The following GPM6A variants were observed in gnomAD, a reference collection of about 807,000 sequenced individuals.
GPM6A encodes glycoprotein M6A.
GPM6A carries 7 observed loss-of-function variants against 32.1 expected under a neutral mutation model. The observed-to-expected ratio is 0.22, with a 90% CI of 0.12 to 0.41. The LOEUF is 0.41. Ranked by LOEUF, GPM6A falls within the 10% of genes least tolerant of loss-of-function variation. GPM6A has a pLI of 1.00. For synonymous variants in GPM6A, 130 were observed against 123.4 expected (o/e 1.05, Z -0.35); for missense variants, 235 against 347.2 (o/e 0.68, Z 2.57).
chr4:175,904,065 G>C (rs1738048899), intron 1 of GPM6A, among the ~76,000 whole-genome samples: 1 of 152,096 alleles, frequency 6.6e-6, no homozygotes. Flanking sequence ...AAGAAGTAAA[G>C]TTAGGGAGTA....
chr4:175,846,634 A>AT lies in GPM6A; in HGVS notation c.-22-34386dup, dbSNP rs555921187. Among the ~76,000 whole-genome samples the AT allele has an allele frequency of 4.4e-4, 67 of 152,204 alleles. 1 individual carries two copies. The East Asian group carries it at 8.1e-3, about 18-fold the overall frequency. ...AACTTTTAATATGTGGAAAAATATT[A>AT]TTTTTTCTTAGCAATTAAAGAAATG... On this transcript the variant is annotated intron_variant, in intron 1 of 7. Transcript: ENST00000280187.
chr4:175,929,952 T>G (rs1190603810), intron 1 of GPM6A, among the ~76,000 whole-genome samples: 1 of 152,166 alleles, frequency 6.6e-6, no homozygotes, highest in Non-Finnish European at 1.5e-5. Flanking sequence ...CCAAACTATA[T>G]TTTAATATGA....
chr4:175,721,013 GTA>G (rs1234437516), intron 1 of GPM6A, among the ~76,000 whole-genome samples: 1 of 129,794 alleles, frequency 7.7e-6, no homozygotes, highest in Non-Finnish European at 1.6e-5. Flanking sequence ...AGCTTTTCTA[GTA>G]TATATATATA....
At chr4:175,730,702 G>A (rs1219537886) in intron 1 of GPM6A, among the ~76,000 whole-genome samples, 1 of 152,068 alleles carries the variant, frequency 6.6e-6, no homozygotes, top group African/African-American at 2.4e-5. Context: ...TCGATCTCCT[G>A]ACCTCAAGTG....
Position 175,729,866 on chromosome 4 carries a change from T to A in GPM6A, c.38-28099A>T, listed in dbSNP as rs569972654. Among the ~76,000 whole-genome samples, 14 of 146,288 alleles carry A rather than the reference T, an allele frequency of 9.6e-5. No homozygotes were observed. In the South Asian group the frequency reaches 1.1e-3, roughly 11 times the overall value. Reference sequence around the variant, plus strand: ...GTATTTAATGTATATATGTATTTAATGTATTTAATAATTATATTATATATT... The same window carrying A: ...GTATTTAATGTATATATGTATTTAAAGTATTTAATAATTATATTATATATT... On this transcript the variant is annotated intron_variant, in intron 1 of 6. Coordinates refer to ENST00000393658, the MANE Select transcript of GPM6A (RefSeq NM_201591.3).
intron 1 of GPM6A, among the ~76,000 whole-genome samples, chr4:175,951,983 T>C (rs1222081027): frequency 6.6e-6 from 1 of 152,250 alleles, no homozygotes; most frequent in African/African-American, 2.4e-5. Flanking sequence ...CTGGCAGCCA[T>C]GCTGCAGACT....
intron 2 of GPM6A, among the ~76,000 whole-genome samples, chr4:175,685,739 G>T (rs2111020731): frequency 6.6e-6 from 1 of 152,228 alleles, no homozygotes; most frequent in Non-Finnish European, 1.5e-5. Context: ...AGCCTTCTTT[G>T]TTCTTGACTT....
intron 1 of GPM6A, among the ~76,000 whole-genome samples, chr4:175,743,959 C>CAAA (rs71593723): frequency 1.7e-5 from 2 of 116,026 alleles, no homozygotes; most frequent in African/African-American, 7.0e-5. Flanking sequence ...TCTAATAGGA[C>CAAA]AAAAAAAAAA....
chr4:175,871,139 C>T (rs555021705), intron 1 of GPM6A, among the ~76,000 whole-genome samples: 33 of 152,036 alleles, frequency 2.2e-4, no homozygotes, highest in African/African-American at 7.0e-4. Flanking sequence ...CTTGAGCAAA[C>T]AGTTCGAACC....
intron 1 of GPM6A, among the ~76,000 whole-genome samples, chr4:175,791,563 C>A (rs1216045606): frequency 6.6e-6 from 1 of 152,106 alleles, no homozygotes; most frequent in African/African-American, 2.4e-5. Context: ...GTTAAATTTG[C>A]ATATTTAAAA....
chr4:175,847,340 A>C (rs1192303459), intron 1 of GPM6A, among the ~76,000 whole-genome samples: 8 of 152,170 alleles, frequency 5.3e-5, no homozygotes, highest in Non-Finnish European at 1.0e-4. Context: ...ACCGCAGTCC[A>C]AAAATATTAA....
intron 1 of GPM6A, among the ~76,000 whole-genome samples, chr4:175,879,278 T>C (rs986086897): frequency 2.0e-5 from 3 of 152,206 alleles, no homozygotes; most frequent in Non-Finnish European, 2.9e-5. Context: ...CAAAGTTGCT[T>C]CCACATTTTC....
intron 1 of GPM6A, among the ~76,000 whole-genome samples, chr4:175,782,970 ATTG>A: frequency 6.6e-6 from 1 of 151,854 alleles, no homozygotes; most frequent in East Asian, 1.9e-4. Flanking sequence ...AAAAAAATTT[ATTG>A]TTGTAAGTTA....
At chr4:175,746,194 C>A (rs1007716792) in intron 1 of GPM6A, among the ~76,000 whole-genome samples, 59 of 152,058 alleles carry the variant, frequency 3.9e-4, no homozygotes, top group Non-Finnish European at 1.3e-4. Flanking sequence ...AGAAAGTATG[C>A]ATTCTAGATT....
intron 3 of GPM6A, among the ~76,000 whole-genome samples, chr4:175,668,629 G>T (rs538630297): frequency 6.6e-6 from 1 of 151,172 alleles, no homozygotes; most frequent in Admixed American, 6.6e-5. Flanking sequence ...GGCCTCCTTA[G>T]AGCTAGTCAT....
intron 1 of GPM6A, among the ~76,000 whole-genome samples, chr4:175,995,299 A>C (rs1741269397): frequency 6.6e-6 from 1 of 151,198 alleles, no homozygotes; most frequent in South Asian, 2.1e-4. Context: ...TATGTATGGC[A>C]GCTATTGCCT....
intron 1 of GPM6A, among the ~76,000 whole-genome samples, chr4:175,803,996 AAAAT>A (rs1312640862): frequency 1.3e-5 from 2 of 152,144 alleles, no homozygotes; most frequent in Non-Finnish European, 2.9e-5. Flanking sequence ...ATGAAAAACT[AAAAT>A]AACGTCTCTG....
intron 1 of GPM6A, among the ~76,000 whole-genome samples, chr4:175,929,719 T>C (rs1192059104): frequency 6.6e-6 from 1 of 152,158 alleles, no homozygotes; most frequent in African/African-American, 2.4e-5. Flanking sequence ...GTTAATCCAA[T>C]AGGTGTAAAT....
At chr4:175,909,516 T>C (rs377430345) in intron 1 of GPM6A, among the ~76,000 whole-genome samples, 1 of 152,138 alleles carries the variant, frequency 6.6e-6, no homozygotes, top group African/African-American at 2.4e-5. Context: ...GGAACTGACA[T>C]GATAGAAGAA....
Sources: gnomAD v4.1 joint callset for allele counts (sites outside exome capture counted in the v4.1 genomes callset) on GRCh38, gnomAD v4.1.1 for gene constraint, MANE v1.5 for transcripts, NCBI Gene and HGNC (gene_info 2026-07-23, HGNC 2026-07-21) for gene names.